The following DCC variants were observed in gnomAD, a reference collection of about 807,000 sequenced individuals.
The protein encoded by DCC is DCC netrin 1 receptor.
A neutral mutation model predicts 172.5 loss-of-function variants in DCC; 58 were observed. That is an observed-to-expected ratio of 0.34 (90% CI 0.27 to 0.42). DCC has a LOEUF of 0.42. Ranked by LOEUF, DCC falls within the 10% of genes least tolerant of loss-of-function variation. DCC has a pLI of 1.00. For synonymous variants in DCC, 709 were observed against 644.5 expected (o/e 1.10, Z -1.52); for missense variants, 1,740 against 1,791.0 (o/e 0.97, Z 0.51).
intron 1 of DCC, among the ~76,000 whole-genome samples, chr18:52,382,847 G>C (rs1212344720): frequency 2.0e-5 from 3 of 151,886 alleles, no homozygotes; most frequent in Non-Finnish European, 4.4e-5. Context: ...TGTGTAGGAG[G>C]CAATCCAGAG....
At chr18:53,295,083 C>T (rs2057050462) in intron 12 of DCC, among the ~76,000 whole-genome samples, 1 of 152,042 alleles carries the variant, frequency 6.6e-6, no homozygotes, top group Non-Finnish European at 1.5e-5. Context: ...TGTACTTAAA[C>T]ATACTTTATT....
intron 5 of DCC, among the ~76,000 whole-genome samples, chr18:52,991,035 A>G (rs1225355101): frequency 2.0e-5 from 3 of 152,206 alleles, no homozygotes; most frequent in Non-Finnish European, 4.4e-5. Flanking sequence ...TAAGCGGAGG[A>G]GACACAATTC....
chr18:52,912,648 TAGGAGTC>T (rs2039987335), intron 3 of DCC, among the ~76,000 whole-genome samples: 1 of 152,072 alleles, frequency 6.6e-6, no homozygotes, highest in African/African-American at 2.4e-5. Flanking sequence ...GGTTTAGAAA[TAGGAGTC>T]AGGAGATAAA....
At chr18:53,422,861 T>C (rs949564136) in intron 21 of DCC, among the ~76,000 whole-genome samples, 25 of 152,274 alleles carry the variant, frequency 1.6e-4, no homozygotes, top group African/African-American at 5.5e-4. Flanking sequence ...TTGTGCATAG[T>C]TTCAACACAG....
intron 8 of DCC, among the ~76,000 whole-genome samples, chr18:53,160,725 CT>C (rs2054824735): frequency 6.6e-6 from 1 of 152,180 alleles, no homozygotes; most frequent in Non-Finnish European, 1.5e-5. Context: ...TATTTCATGA[CT>C]TTTTCTCTCT....
At chr18:52,930,337 T>C (rs964602349) in intron 5 of DCC, among the ~76,000 whole-genome samples, 2 of 152,094 alleles carry the variant, frequency 1.3e-5, no homozygotes, top group Admixed American at 1.3e-4. Context: ...CTTGCACCTG[T>C]AGTCCCAGCT....
intron 26 of DCC, among the ~76,000 whole-genome samples, chr18:53,492,233 T>G (rs184057666): frequency 1.3e-5 from 2 of 152,300 alleles, no homozygotes; most frequent in Admixed American, 1.3e-4. Flanking sequence ...ATGGATAGAT[T>G]GCAAAAATTT....
chr18:52,604,375 C>T (rs538366547), intron 1 of DCC, among the ~76,000 whole-genome samples: 2 of 152,090 alleles, frequency 1.3e-5, no homozygotes, highest in Non-Finnish European at 2.9e-5. Context: ...CAGCCACCTA[C>T]CAGAAACAGC....
At chr18:52,457,014 T>C (rs1988479120) in intron 1 of DCC, among the ~76,000 whole-genome samples, 1 of 152,302 alleles carries the variant, frequency 6.6e-6, no homozygotes, top group Non-Finnish European at 1.5e-5. Context: ...ATCCCAATTA[T>C]ACTTCACTTT....
At chr18:53,109,107 A>G (rs2043293732) in intron 7 of DCC, among the ~76,000 whole-genome samples, 3 of 151,352 alleles carry the variant, frequency 2.0e-5, no homozygotes, top group African/African-American at 7.3e-5. Context: ...CAGGTATAGA[A>G]TCTCATTGTA....
At chr18:53,190,774 T>G (rs1377028749) in intron 9 of DCC, among the ~76,000 whole-genome samples, 2 of 151,934 alleles carry the variant, frequency 1.3e-5, no homozygotes, top group Non-Finnish European at 2.9e-5. Flanking sequence ...GTGAAACCCC[T>G]TCTCTACTAA....
chr18:52,646,547 T>C (rs373620994), intron 1 of DCC, among the ~76,000 whole-genome samples: 21 of 152,180 alleles, frequency 1.4e-4, no homozygotes, highest in Non-Finnish European at 2.1e-4. Flanking sequence ...CAGCTATCGA[T>C]TGGGGGTTCC....
intron 7 of DCC, among the ~76,000 whole-genome samples, chr18:53,139,789 CCTT>C (rs571843238): frequency 2.9e-4 from 44 of 152,258 alleles, no homozygotes; most frequent in Non-Finnish European, 5.3e-4. Flanking sequence ...TGCCACCTCT[CCTT>C]CTCCTGTGTG....
At chr18:53,517,759 C>T (rs1393571150) in intron 27 of DCC, among the ~76,000 whole-genome samples, 1 of 152,070 alleles carries the variant, frequency 6.6e-6, no homozygotes, top group East Asian at 1.9e-4. Context: ...GAGAAGAACA[C>T]AATGTTTCTC....
chr18:52,439,041 T>C (rs1987886713), intron 1 of DCC, among the ~76,000 whole-genome samples: 3 of 152,184 alleles, frequency 2.0e-5, no homozygotes, highest in Admixed American at 2.0e-4. Flanking sequence ...GCTCCTGTTT[T>C]TTCTACCAAG....
At chr18:52,536,849 A>G (rs978218735) in intron 1 of DCC, among the ~76,000 whole-genome samples, 2 of 152,338 alleles carry the variant, frequency 1.3e-5, no homozygotes, top group South Asian at 4.1e-4. Context: ...ATTTTTGCAG[A>G]GAAGTTTGGA....
intron 2 of DCC, among the ~76,000 whole-genome samples, chr18:52,810,687 G>T (rs1426027132): frequency 6.6e-6 from 1 of 152,154 alleles, no homozygotes; most frequent in African/African-American, 2.4e-5. Flanking sequence ...CCACTCAAAG[G>T]TGGGCATGAC....
rs556553356 is a variant in DCC at position 53,037,522 on chromosome 18, G to A, written c.986-25783G>A. ...ATTTGCATCTTTGCCTCTTGGTCCC[G>A]CAAGAGCCTCTCTCATAAACTTTGA... On this transcript the variant is annotated intron_variant, in intron 5 of 28. Coordinates refer to ENST00000442544, the MANE Select transcript of DCC (RefSeq NM_005215.4). 3.3e-5 allele frequency among the ~76,000 whole-genome samples: 5 copies of A among 151,902 alleles called. No homozygotes were observed. The East Asian group carries it at 7.8e-4, about 24-fold the overall frequency.
chr18:53,208,519 C>T (rs576425127), intron 11 of DCC, among the ~76,000 whole-genome samples: 1 of 151,968 alleles, frequency 6.6e-6, no homozygotes, highest in South Asian at 2.1e-4. Flanking sequence ...GACAATCCCC[C>T]TATATTTACC....
Sources: allele counts gnomAD v4.1 joint callset (sites outside exome capture counted in the v4.1 genomes callset), GRCh38; gene constraint gnomAD v4.1.1; transcripts MANE v1.5; gene names NCBI Gene and HGNC (gene_info 2026-07-23, HGNC 2026-07-21).